Variants in MED12L observed in about 807,000 individuals in gnomAD.
MED12L encodes the protein mediator of RNA polymerase II transcription subunit 12-like protein.
MED12L carries 60 observed loss-of-function variants against 281.3 expected under a neutral mutation model. The ratio of observed to expected loss-of-function variants is 0.21; its 90% CI spans 0.17 to 0.26. The LOEUF (loss-of-function observed/expected upper bound fraction) is 0.26, where lower values mean the gene tolerates loss of function less well. MED12L is among the 10% of genes least tolerant of loss of function. MED12L has a pLI of 1.00. For missense variants in MED12L, 2,146 were observed against 2,680.9 expected (o/e 0.80, Z 4.41); for synonymous variants, 974 against 987.2 (o/e 0.99, Z 0.25).
intron 16 of MED12L, among the ~76,000 whole-genome samples, chr3:151,262,877 A>G (rs1326946863): frequency 6.6e-6 from 1 of 152,172 alleles, no homozygotes; most frequent in African/African-American, 2.4e-5. Flanking sequence ...CCTCAGTTAA[A>G]TGATAGAGGG....
At chr3:151,391,779 T>A (rs1714264623) in intron 38 of MED12L, among the ~76,000 whole-genome samples, 2 of 152,336 alleles carry the variant, frequency 1.3e-5, no homozygotes, top group South Asian at 4.1e-4. Flanking sequence ...GTAAGCCTCG[T>A]GGCAGATATT....
At chr3:151,197,349 A>C (rs1228921171) in intron 16 of MED12L, among the ~76,000 whole-genome samples, 1 of 152,118 alleles carries the variant, frequency 6.6e-6, no homozygotes, top group Non-Finnish European at 1.5e-5. Flanking sequence ...TTTTTAGTAC[A>C]GAGGGGGTTT....
intron 11 of MED12L, among the ~76,000 whole-genome samples, chr3:151,175,485 C>G (rs1721935248): frequency 1.3e-5 from 2 of 151,876 alleles, no homozygotes; most frequent in Non-Finnish European, 2.9e-5. Context: ...ATTTTTTTCC[C>G]CCACTCCTTT....
intron 39 of MED12L, among the ~76,000 whole-genome samples, chr3:151,395,493 G>A (rs1714844534): frequency 1.3e-5 from 2 of 152,130 alleles, no homozygotes. Context: ...GAAAACATCA[G>A]CACTTAGTAT....
Position 151,411,332 on chromosome 3 carries a change from T to A in MED12L, c.5965T>A (p.Ser1989Thr). The change falls in exon 41 of 45, where the codon TCG becomes ACG. Residue 1989 changes from serine (S) to threonine (T), a missense_variant. Physicochemically the swap from Ser to Thr is moderately conservative, Grantham distance 58. Around this residue, in one of 9 missense-constraint regions of MED12L, gnomAD observed 496 missense variants for 512.0 expected, o/e 0.97. Transcript: ENST00000687756. ...YGTQMPLQQT[S>T]QQQAGSVVLS... is the part of the protein sequence containing the mutation. Reference sequence around the variant, plus strand: ...GACACAGATGCCTTTGCAGCAGACATCGCAGCAGCAGGCTGGCAGTGTGGT... The same window carrying A: ...GACACAGATGCCTTTGCAGCAGACAACGCAGCAGCAGGCTGGCAGTGTGGT... 1 of 1,614,178 alleles carries A rather than the reference T, an allele frequency of 6.2e-7. No individual in the cohort carries two copies. The highest frequency in any genetic ancestry group is 8.5e-7 in the Non-Finnish European group (1 of 1,180,032).
chr3:151,205,199 G>C (rs1251394787), intron 16 of MED12L, among the ~76,000 whole-genome samples: 1 of 152,124 alleles, frequency 6.6e-6, no homozygotes. Flanking sequence ...TAGTGTTCCG[G>C]GAAGTTGCAT....
intron 39 of MED12L, among the ~76,000 whole-genome samples, chr3:151,401,858 T>C (rs1715724008): frequency 6.6e-6 from 1 of 152,208 alleles, no homozygotes; most frequent in African/African-American, 2.4e-5. Flanking sequence ...GCTTCACTTA[T>C]TACTTATATC....
At chr3:151,389,709 C>T (rs1170631300) in intron 37 of MED12L, among the ~76,000 whole-genome samples, 2 of 152,162 alleles carry the variant, frequency 1.3e-5, no homozygotes, top group Non-Finnish European at 2.9e-5. Context: ...TCCTGACACA[C>T]TTGTAGTCTT....
At chr3:151,126,805 GTAATTGTTTTGCTTTATCCTTATAAC>G (rs1381733282) in intron 4 of MED12L, among the ~76,000 whole-genome samples, 9 of 152,176 alleles carry the variant, frequency 5.9e-5, no homozygotes, top group Admixed American at 1.3e-4. Context: ...TTTGATTCAT[GTAATTGTTTTGCTTTATCCTTATAAC>G]TACCCTGTGA....
At chr3:151,322,357 T>A (rs1016075491) in intron 16 of MED12L, among the ~76,000 whole-genome samples, 3 of 151,962 alleles carry the variant, frequency 2.0e-5, no homozygotes, top group Non-Finnish European at 4.4e-5. Flanking sequence ...AGGTAATTTT[T>A]TTTTTATTTT....
chr3:151,184,684 C>G (rs1462375760), intron 11 of MED12L, among the ~76,000 whole-genome samples: 1 of 152,190 alleles, frequency 6.6e-6, no homozygotes, highest in Admixed American at 6.5e-5. Flanking sequence ...GCTGACAGTT[C>G]TGGTCACCAT....
intron 2 of MED12L, among the ~76,000 whole-genome samples, chr3:151,093,042 T>A (rs1327751413): frequency 6.6e-6 from 1 of 152,202 alleles, no homozygotes; most frequent in Non-Finnish European, 1.5e-5. Context: ...AGATGCTTGT[T>A]AAAAATGGAC....
intron 27 of MED12L, among the ~76,000 whole-genome samples, chr3:151,374,508 AC>A (rs1328103439): frequency 1.1e-4 from 17 of 152,188 alleles, no homozygotes; most frequent in Non-Finnish European, 5.9e-5. Flanking sequence ...AGATTGCGCC[AC>A]TGCACTCCAG....
At chr3:151,160,346 C>G (rs1259588517) in intron 8 of MED12L, among the ~76,000 whole-genome samples, 1 of 152,124 alleles carries the variant, frequency 6.6e-6, no homozygotes, top group Non-Finnish European at 1.5e-5. Flanking sequence ...TTAAGCAGTT[C>G]AATTAAAAAT....
intron 2 of MED12L, among the ~76,000 whole-genome samples, chr3:151,114,842 G>T (rs1222963813): frequency 1.3e-5 from 2 of 151,870 alleles, no homozygotes; most frequent in Non-Finnish European, 2.9e-5. Context: ...TCCAGTAGGA[G>T]ATCTTTTTAA....
At chr3:151,257,080 G>A (rs188591810) in intron 16 of MED12L, among the ~76,000 whole-genome samples, 1 of 151,952 alleles carries the variant, frequency 6.6e-6, no homozygotes, top group Non-Finnish European at 1.5e-5. Flanking sequence ...AAGAAATGGT[G>A]TAGTTTTAAA....
intron 17 of MED12L, among the ~76,000 whole-genome samples, chr3:151,354,623 A>G (rs184044741): frequency 9.7e-4 from 148 of 152,336 alleles, no homozygotes; most frequent in Non-Finnish European, 1.7e-3. Flanking sequence ...AGAAATGTTT[A>G]TAAAGGCACT....
intron 16 of MED12L, among the ~76,000 whole-genome samples, chr3:151,317,466 T>TTTTTTG (rs1560020922): frequency 1.5e-5 from 2 of 131,548 alleles, no homozygotes; most frequent in Non-Finnish European, 3.1e-5. Context: ...TTTTTTTTTT[T>TTTTTTG]GTGAGACGGA....
intron 11 of MED12L, among the ~76,000 whole-genome samples, chr3:151,171,596 A>G (rs966822109): frequency 5.9e-5 from 9 of 152,154 alleles, no homozygotes; most frequent in African/African-American, 2.2e-4. Flanking sequence ...GGAAACTTAC[A>G]TATTTATTGT....
Sources: allele counts gnomAD v4.1 joint callset (sites outside exome capture counted in the v4.1 genomes callset), GRCh38; gene constraint gnomAD v4.1.1; regional missense constraint gnomAD v4.1.1; transcripts MANE v1.5; gene names NCBI Gene and HGNC (gene_info 2026-07-23, HGNC 2026-07-21).